The following HDAC2 variants were observed in gnomAD, a reference collection of about 807,000 sequenced individuals.
HDAC2 encodes YY1-associated factor 1.
HDAC2 carries 5 observed loss-of-function variants against 68.5 expected under a neutral mutation model. The observed-to-expected ratio is 0.07, with a 90% confidence interval of 0.04 to 0.15. The LOEUF is 0.15. HDAC2 is among the 10% of genes least tolerant of loss of function. The pLI is 1.00. For synonymous variants in HDAC2, 182 were observed against 191.3 expected (o/e 0.95, Z 0.40); for missense variants, 291 against 600.8 (o/e 0.48, Z 5.39).
In HDAC2 at chr6:113,943,452, T is replaced by C. The variant is rs772729099; in HGVS notation, c.1277A>G (p.Asp426Gly). Residue 426 changes from aspartate to glycine, a missense_variant, in exon 12 of 14, where the codon GAT (aspartate) becomes GGT (glycine). Around this residue, in one of 2 missense-constraint regions of HDAC2, gnomAD observed 137 missense variants for 128.7 expected, o/e 1.06. Transcript: ENST00000519065. ...ATTTCTTCGACCTCCTTCTCCTTCA[T>C]CCTCAGAATCTGAGAATTCTTCATC... ...ACDEEFSDSE[D>G]EGEGGRRNVA... The C allele has an allele frequency of 9.9e-6, 16 of 1,610,146 alleles. No homozygotes were observed. The highest frequency in any genetic ancestry group is 1.4e-5 in the Non-Finnish European group (16 of 1,179,216).
chr6:113,951,531 G>C (rs1232572814), intron 6 of HDAC2, among the ~76,000 whole-genome samples: 1 of 147,914 alleles, frequency 6.8e-6, no homozygotes. Context: ...GCAGTGGAGC[G>C]ATCTCGGCTC....
At chr6:113,952,754 G>C (rs960787787) in intron 6 of HDAC2, among the ~76,000 whole-genome samples, 13 of 151,992 alleles carry the variant, frequency 8.6e-5, no homozygotes, top group Admixed American at 8.5e-4. Context: ...AAATAAAATA[G>C]AAATACACTT....
intron 3 of HDAC2, 172 bp downstream of exon 3, chr6:113,958,476 GT>G (rs1160913146): frequency 2.8e-5 from 14 of 491,434 alleles, no homozygotes; most frequent in Non-Finnish European, 5.0e-5. Context: ...CTTCAGATAG[GT>G]TTACTTTTTT....
chr6:113,936,259 A>G lies in HDAC2; in HGVS notation c.*4799T>C, dbSNP rs1488450804. 6.6e-5 allele frequency: 10 copies of G among 152,188 alleles called. No individual in the cohort carries two copies. The highest frequency in any genetic ancestry group is 1.5e-5 in the Non-Finnish European group (1 of 68,044). 9.4% of individuals were successfully genotyped at this position (152,188 alleles called of 1,614,324 possible). A position where few individuals can be genotyped will look rare whatever the true frequency, so the allele number is the denominator to read the frequency against. On this transcript the variant is annotated 3_prime_UTR_variant, in exon 14 of 14. Transcript: ENST00000519065. Reference sequence around the variant, plus strand: ...ATGGCCACCAAGTGACTATAAGAGAAAACACACAGAAAAAAAAATTTTAAA... The same window carrying G: ...ATGGCCACCAAGTGACTATAAGAGAGAACACACAGAAAAAAAAATTTTAAA...
At chr6:113,965,474 T>G (rs1323240607) in intron 1 of HDAC2, among the ~76,000 whole-genome samples, 1 of 152,060 alleles carries the variant, frequency 6.6e-6, no homozygotes, top group Non-Finnish European at 1.5e-5. Flanking sequence ...GTTCAAGCGA[T>G]TCTCCTGCCT....
intron 12 of HDAC2, among the ~76,000 whole-genome samples, chr6:113,942,173 G>A (rs1776151167): frequency 6.6e-6 from 1 of 151,888 alleles, no homozygotes; most frequent in Admixed American, 6.6e-5. Context: ...AAAACAGACA[G>A]ACAAGAAAAC....
intron 3 of HDAC2, chr6:113,956,918 G>C: frequency 2.2e-6 from 1 of 444,788 alleles, no homozygotes; most frequent in Non-Finnish European, 4.0e-6. Context: ...AGGATTATCT[G>C]TGGAATATTT....
chr6:113,970,765 A>G, intron 1 of HDAC2, 92 bp downstream of exon 1: 1 of 1,429,122 alleles, frequency 7.0e-7, no homozygotes, highest in East Asian at 2.7e-5. Flanking sequence ...CCTCCTTCCC[A>G]CCCCTCAGCC....
chr6:113,945,504 C>G lies in HDAC2; in HGVS notation c.983-34G>C, dbSNP rs371638766. On this transcript the variant is annotated intron_variant, in intron 9 of 13. Coordinates refer to ENST00000519065, the MANE Select transcript of HDAC2 (RefSeq NM_001527.4). ...AACAATAAAATAAAGTTACATATTA[C>G]AAGCTCAGTTTTCACAAAAAACCAT... The G allele has an allele frequency of 2.8e-5, 28 of 1,004,814 alleles. No individual in the cohort carries two copies. In the African/African-American group the frequency reaches 4.3e-4, roughly 15 times the overall value. The allele number at this position is 1,004,814 out of a possible 1,614,324, so 62.2% of individuals were successfully genotyped here. A position where few individuals can be genotyped will look rare whatever the true frequency, so the allele number is the denominator to read the frequency against.
chr6:113,936,990 AAAAAAAAAAG>A lies in HDAC2; in HGVS notation c.*4058_*4067del, dbSNP rs1776015292. ...CTGGGCAACAGAGTGAGACTCTTTC[AAAAAAAAAAG>A]AAAAAAAAATAGCAGCTAACCCTTA... On this transcript the variant is annotated 3_prime_UTR_variant, in exon 14 of 14. Coordinates refer to ENST00000519065, the MANE Select transcript of HDAC2 (RefSeq NM_001527.4). 7.8e-6 allele frequency: 1 copy of A among 128,312 alleles called. No individual in the cohort carries two copies. Among genetic ancestry groups the A allele is most frequent in the Non-Finnish European group, 1.7e-5 (1 of 57,454 alleles). 7.9% of individuals were successfully genotyped at this position (128,312 alleles called of 1,614,324 possible).
chr6:113,956,161 A>C lies in HDAC2; in HGVS notation c.359-10T>G. On this transcript the variant is annotated splice_polypyrimidine_tract_variant and intron_variant, in intron 4 of 13. Coordinates refer to ENST00000519065, the MANE Select transcript of HDAC2 (RefSeq NM_001527.4). ...AACTTCACAGCTCCAGCTAAGAAGT[A>C]GAAACAAGATAGACCTTTTAAACAT... 6.3e-7 allele frequency: 1 copy of C among 1,595,712 alleles called. No individual in the cohort carries two copies.
rs1158969416 is a variant in HDAC2, at chr6:113,937,325, G to A, written c.*3733C>T. ...ATGTAGGTGACTAACTTCAATGTAA[G>A]AACTTCAAATAATTGCCCATTGACA... is the stretch of plus-strand genomic sequence containing the variant. On this transcript the variant is annotated 3_prime_UTR_variant, in exon 14 of 14. Transcript: ENST00000519065. 1.3e-5 allele frequency: 2 copies of A among 152,154 alleles called. No individual in the cohort carries two copies. Among genetic ancestry groups the A allele is most frequent in the Non-Finnish European group, 2.9e-5 (2 of 68,032 alleles). 9.4% of individuals were successfully genotyped at this position (152,154 alleles called of 1,614,324 possible).
Position 113,944,330 on chromosome 6 carries a change from T to C in HDAC2, c.1172A>G (p.His391Arg), listed in dbSNP as rs1261159949. The C allele has an allele frequency of 1.2e-6, 2 of 1,613,160 alleles. No homozygotes were observed. The highest frequency in any genetic ancestry group is 1.7e-6 in the Non-Finnish European group (2 of 1,179,112). The change falls in exon 11 of 14, where the codon CAT becomes CGT. Residue 391 changes from histidine to arginine, a missense_variant. Transcript: ENST00000519065. ...TCCATCTTCATCTCCACTGTCTTCA[T>C]GAACAGCATCTTCTGGAATAGCTTG... Reference protein sequence around the residue: ...QMQAIPEDAVHEDSGDEDGED... With the variant: ...QMQAIPEDAVREDSGDEDGED...
intron 12 of HDAC2, among the ~76,000 whole-genome samples, chr6:113,942,415 T>C (rs1004640329): frequency 2.2e-5 from 3 of 138,890 alleles, no homozygotes; most frequent in African/African-American, 8.4e-5. Context: ...ATGTTATAGA[T>C]TACTAACTCT....
intron 1 of HDAC2, among the ~76,000 whole-genome samples, chr6:113,960,485 T>C (rs1361828652): frequency 6.6e-6 from 1 of 152,062 alleles, no homozygotes; most frequent in African/African-American, 2.4e-5. Context: ...GTGTCCATAT[T>C]AAAGCCCATC....
rs919814296 is a variant in HDAC2, at chr6:113,939,858, T to C, written c.*1200A>G. ...GGTGCTATTGTGAATGTCTGAAACATTTAAGAGGCTTGTAGAGAAATATTT... is the reference window on the plus strand; with the variant it reads ...GGTGCTATTGTGAATGTCTGAAACACTTAAGAGGCTTGTAGAGAAATATTT... On this transcript the variant is annotated 3_prime_UTR_variant, in exon 14 of 14. Transcript: ENST00000519065. The C allele has an allele frequency of 1.3e-5, 2 of 152,212 alleles. No homozygotes were observed. The highest frequency in any genetic ancestry group is 4.8e-5 in the African/African-American group (2 of 41,462). 9.4% of individuals were successfully genotyped at this position (152,212 alleles called of 1,614,324 possible). A position where few individuals can be genotyped will look rare whatever the true frequency, so the allele number is the denominator to read the frequency against.
At chr6:113,956,375 CAAT>C in intron 4 of HDAC2, 1 of 566,476 alleles carries the variant, frequency 1.8e-6, no homozygotes, top group Non-Finnish European at 3.1e-6. Flanking sequence ...GTGGTAGTAA[CAAT>C]GATACCTAGA....
chr6:113,942,902 G>A (rs1300241380), intron 12 of HDAC2, among the ~76,000 whole-genome samples: 1 of 152,008 alleles, frequency 6.6e-6, no homozygotes, highest in Non-Finnish European at 1.5e-5. Context: ...TTCAATTTCT[G>A]AACAAAATCC....
rs1394684167 is a variant in HDAC2 at position 113,939,606 on chromosome 6, CA to C, written c.*1451del. 2.6e-5 allele frequency: 4 copies of C among 151,880 alleles called. No homozygotes were observed. The highest frequency in any genetic ancestry group is 1.9e-4 in the East Asian group (1 of 5,176). The allele number at this position is 151,880 out of a possible 1,614,324, so 9.4% of individuals were successfully genotyped here. On this transcript the variant is annotated 3_prime_UTR_variant, in exon 14 of 14. Transcript: ENST00000519065. ...TTACAGATTGATAACAAATATGTAGCAAAAGTACAAAAACATGGGTAAAATA... is the reference window on the plus strand; with the variant it reads ...TTACAGATTGATAACAAATATGTAGCAAAGTACAAAAACATGGGTAAAATA...
Sources: allele counts gnomAD v4.1 joint callset (sites outside exome capture counted in the v4.1 genomes callset), GRCh38; gene constraint gnomAD v4.1.1; regional missense constraint gnomAD v4.1.1; transcripts MANE v1.5; gene names NCBI Gene and HGNC (gene_info 2026-07-23, HGNC 2026-07-21).